RERG: variants seen among roughly 807,000 people sequenced by gnomAD.
RERG encodes ras-related and estrogen-regulated growth inhibitor.
A neutral mutation model predicts 23.2 loss-of-function variants in RERG; 25 were observed. The observed-to-expected ratio is 1.08, with a 90% CI of 0.79 to 1.50. The LOEUF is 1.50. Ranked by LOEUF, RERG falls within the 40% of genes most tolerant of loss-of-function variation. The pLI, the probability that RERG is intolerant of heterozygous loss-of-function variation, is 0.00. For missense variants in RERG, 253 were observed against 250.1 expected (o/e 1.01, Z -0.08); for synonymous variants, 81 against 89.1 (o/e 0.91, Z 0.51).
At chr12:15,142,806 C>T (rs754192701) in intron 2 of RERG, among the ~76,000 whole-genome samples, 5 of 152,154 alleles carry the variant, frequency 3.3e-5, no homozygotes, top group Non-Finnish European at 7.3e-5. Flanking sequence ...TATCTTTATA[C>T]ATACTTTCTG....
chr12:15,187,067 A>T (rs1296467526), intron 2 of RERG, among the ~76,000 whole-genome samples: 1 of 152,148 alleles, frequency 6.6e-6, no homozygotes, highest in Non-Finnish European at 1.5e-5. Flanking sequence ...TCACTATTCA[A>T]CTATCTTAAC....
intron 2 of RERG, among the ~76,000 whole-genome samples, chr12:15,142,819 A>G (rs558385738): frequency 6.6e-6 from 1 of 152,286 alleles, no homozygotes; most frequent in Non-Finnish European, 1.5e-5. Context: ...ACTTTCTGAA[A>G]CTATCATCAT....
At chr12:15,124,732 A>AT (rs563451632) in intron 2 of RERG, among the ~76,000 whole-genome samples, 18 of 151,984 alleles carry the variant, frequency 1.2e-4, no homozygotes, top group Admixed American at 5.2e-4. Flanking sequence ...AATGCTGGAA[A>AT]TTTTTTTTCC....
At chr12:15,187,668 C>T (rs1192294562) in intron 2 of RERG, among the ~76,000 whole-genome samples, 3 of 151,840 alleles carry the variant, frequency 2.0e-5, no homozygotes, top group Non-Finnish European at 4.4e-5. Context: ...AAGCAATTCT[C>T]CTGCCTCGGC....
intron 2 of RERG, among the ~76,000 whole-genome samples, chr12:15,203,633 C>G (rs1259264678): frequency 6.6e-6 from 1 of 151,546 alleles, no homozygotes; most frequent in East Asian, 1.9e-4. Flanking sequence ...AAAATTACCT[C>G]TGCAAATGAC....
intron 2 of RERG, among the ~76,000 whole-genome samples, chr12:15,127,474 T>C (rs973592588): frequency 6.6e-6 from 1 of 152,190 alleles, no homozygotes; most frequent in African/African-American, 2.4e-5. Flanking sequence ...GTCTGGTCAA[T>C]CTATATTGCA....
intron 2 of RERG, among the ~76,000 whole-genome samples, chr12:15,195,251 C>T (rs1006006946): frequency 6.6e-5 from 10 of 152,088 alleles, no homozygotes; most frequent in Admixed American, 3.9e-4. Flanking sequence ...AGGTCCAAAA[C>T]GACTGGGATG....
intron 2 of RERG, among the ~76,000 whole-genome samples, chr12:15,177,165 A>G (rs1591659220): frequency 6.6e-6 from 1 of 152,346 alleles, no homozygotes; most frequent in South Asian, 2.1e-4. Context: ...AACTTGTACA[A>G]TTCATGGCTG....
intron 2 of RERG, among the ~76,000 whole-genome samples, chr12:15,195,244 T>C (rs993945295): frequency 6.6e-6 from 1 of 151,486 alleles, no homozygotes; most frequent in Admixed American, 6.6e-5. Flanking sequence ...TTGGGTAAGG[T>C]CCAAAACGAC....
At chr12:15,218,167 T>C (rs1050928139) in intron 1 of RERG, 3 of 152,230 alleles carry the variant, frequency 2.0e-5, no homozygotes, top group African/African-American at 7.2e-5. Context: ...CAATATATAA[T>C]ACATAGATTA....
At chr12:15,127,456 G>A (rs1037276440) in intron 2 of RERG, among the ~76,000 whole-genome samples, 7 of 152,032 alleles carry the variant, frequency 4.6e-5, no homozygotes, top group Non-Finnish European at 7.4e-5. Context: ...TTCTCTGGTC[G>A]GATGCCAGTC....
chr12:15,220,091 AAAAT>A (rs1178110971), intron 1 of RERG, among the ~76,000 whole-genome samples: 1 of 152,266 alleles, frequency 6.6e-6, no homozygotes, highest in Non-Finnish European at 1.5e-5. Context: ...ATAGAAAACA[AAAAT>A]AAATATGTAA....
intron 2 of RERG, among the ~76,000 whole-genome samples, chr12:15,201,370 TG>T (rs906842208): frequency 9.9e-5 from 15 of 151,798 alleles, no homozygotes; most frequent in African/African-American, 3.6e-4. Flanking sequence ...ATCCCATCAC[TG>T]CCTGTAAGAT....
chr12:15,149,749 T>C (rs998158405), intron 2 of RERG, among the ~76,000 whole-genome samples: 1 of 152,254 alleles, frequency 6.6e-6, no homozygotes. Context: ...AGCATGATTA[T>C]GCCAACATGC....
rs1289365788 is a variant in RERG at position 15,144,954 on chromosome 12, G to C, written c.62-23835C>G. ...TGAGTGGGAGCAATAATGTGGAGAA[G>C]CATTTACTTAAGTCTTTTTTAACAG... On this transcript the variant is annotated intron_variant, in intron 2 of 4. Coordinates refer to ENST00000256953, the MANE Select transcript of RERG (RefSeq NM_032918.3). 8.5e-5 allele frequency among the ~76,000 whole-genome samples: 13 copies of C among 152,178 alleles called. No homozygotes were observed. In the South Asian group the frequency reaches 2.7e-3, roughly 32 times the overall value.
chr12:15,143,217 A>AT (rs1204883335), intron 2 of RERG, among the ~76,000 whole-genome samples: 1 of 152,256 alleles, frequency 6.6e-6, no homozygotes, highest in Non-Finnish European at 1.5e-5. Flanking sequence ...AATTAATGAG[A>AT]TTTTCCCTAG....
intron 2 of RERG, among the ~76,000 whole-genome samples, chr12:15,139,405 G>T (rs565378565): frequency 6.6e-6 from 1 of 152,230 alleles, no homozygotes; most frequent in Admixed American, 6.5e-5. Flanking sequence ...TATAGGTTAA[G>T]TTGGGAAGAA....
At chr12:15,160,921 G>T (rs1177487035) in intron 2 of RERG, among the ~76,000 whole-genome samples, 1 of 151,938 alleles carries the variant, frequency 6.6e-6, no homozygotes, top group Non-Finnish European at 1.5e-5. Flanking sequence ...CAGATCATCA[G>T]GTTAGGAGAT....
rs1201050014 is a variant in RERG at position 15,166,472 on chromosome 12, T to TTGATGA, written c.62-45359_62-45354dup. Among the ~76,000 whole-genome samples the TTGATGA allele has an allele frequency of 4.6e-5, 7 of 150,962 alleles. 1 individual carries two copies. Among genetic ancestry groups the TTGATGA allele is most frequent in the East Asian group, 2.0e-4 (1 of 5,086 alleles). On this transcript the variant is annotated intron_variant, in intron 2 of 4. Coordinates refer to ENST00000256953, the MANE Select transcript of RERG (RefSeq NM_032918.3). ...ACTCTGAGCTTCAGTCTCATGATAA[T>TTGATGA]TGATGATGATGATGATGATGATGAT...
Sources: allele counts gnomAD v4.1 joint callset (sites outside exome capture counted in the v4.1 genomes callset), GRCh38; gene constraint gnomAD v4.1.1; transcripts MANE v1.5; gene names NCBI Gene and HGNC (gene_info 2026-07-23, HGNC 2026-07-21).